The following CRYZL1 variants were observed in gnomAD, a reference collection of about 807,000 sequenced individuals.
CRYZL1 encodes the protein crystallin zeta like 1.
CRYZL1 carries 34 observed loss-of-function variants against 50.6 expected under a neutral mutation model. The ratio of observed to expected loss-of-function variants is 0.67; its 90% CI spans 0.51 to 0.89. The LOEUF is 0.89. Among genes scored for constraint, CRYZL1 ranks in the 40% least tolerant of loss-of-function variants. The pLI, the probability that CRYZL1 is intolerant of heterozygous loss-of-function variation, is 0.00. For synonymous variants in CRYZL1, 125 were observed against 134.3 expected (o/e 0.93, Z 0.48); for missense variants, 354 against 402.3 (o/e 0.88, Z 1.03).
intron 1 of CRYZL1, among the ~76,000 whole-genome samples, chr21:33,635,499 C>T (rs1434160210): frequency 1.3e-5 from 2 of 151,356 alleles, no homozygotes; most frequent in African/African-American, 2.4e-5. Flanking sequence ...TACAGGCGCC[C>T]ACCACCACAC....
At chr21:33,598,065 T>A (rs908224849) in intron 9 of CRYZL1, among the ~76,000 whole-genome samples, 2 of 152,264 alleles carry the variant, frequency 1.3e-5, no homozygotes, top group African/African-American at 4.8e-5. Flanking sequence ...ATCTACTTAT[T>A]ATAGAAATAA....
intron 3 of CRYZL1, among the ~76,000 whole-genome samples, chr21:33,622,401 T>G (rs2087013217): frequency 6.6e-6 from 1 of 152,176 alleles, no homozygotes; most frequent in South Asian, 2.1e-4. Flanking sequence ...ACACTATCAG[T>G]CATCTTACTC....
chr21:33,599,273 A>G (rs560475066), intron 8 of CRYZL1, 25 bp from the exon 9 acceptor site: 2 of 1,613,872 alleles, frequency 1.2e-6, no homozygotes, highest in South Asian at 1.1e-5. Flanking sequence ...AAATCAGGCA[A>G]TTGTACTGTT....
At chr21:33,595,864 C>A (rs750291659) in intron 10 of CRYZL1, 28 bp from the exon 11 acceptor site, 37 of 1,465,522 alleles carry the variant, frequency 2.5e-5, no homozygotes, top group Non-Finnish European at 3.5e-5. Flanking sequence ...AAAGACTAAT[C>A]AATTATTGTG....
intron 1 of CRYZL1, among the ~76,000 whole-genome samples, chr21:33,639,511 G>A (rs1052852051): frequency 6.6e-6 from 1 of 152,162 alleles, no homozygotes; most frequent in African/African-American, 2.4e-5. Context: ...GGCCTCTGGT[G>A]ATGAGAATAA....
At chr21:33,615,152 CTCTT>C (rs749620422) in intron 5 of CRYZL1, among the ~76,000 whole-genome samples, 1,216 of 120,838 alleles carry the variant, frequency 0.01, 4 homozygotes, top group African/African-American at 0.015. Flanking sequence ...TTTTCTTTCT[CTCTT>C]TTTTTTTTTT....
chr21:33,594,786 G>C (rs1201170095), intron 11 of CRYZL1: 1 of 151,212 alleles, frequency 6.6e-6, no homozygotes, highest in Non-Finnish European at 1.5e-5. Flanking sequence ...GGGATTACAG[G>C]CATGTGCCAC....
At chr21:33,623,215 C>A (rs1043299386) in intron 3 of CRYZL1, among the ~76,000 whole-genome samples, 1 of 152,080 alleles carries the variant, frequency 6.6e-6, no homozygotes, top group Non-Finnish European at 1.5e-5. Context: ...CTGCCTGCCT[C>A]GGCCTCCCAA....
rs374604682 is a variant in CRYZL1, at chr21:33,591,189, A to G, written c.923T>C (p.Met308Thr). 7.6e-5 allele frequency: 123 copies of G among 1,610,222 alleles called. No homozygotes were observed. Among genetic ancestry groups the G allele is most frequent in the Non-Finnish European group, 9.9e-5 (117 of 1,176,566 alleles). ...GAAAACACCAGTTGATAACTTCTCCATCACATCCTTTAAGATACGTAGCTG... is the reference window on the plus strand; with the variant it reads ...GAAAACACCAGTTGATAACTTCTCCGTCACATCCTTTAAGATACGTAGCTG... ...GKYLCILKDV[M>T]EKLSTGVFRP... The change falls in exon 12 of 13, where the codon ATG (methionine) becomes ACG (threonine). Residue 308 changes from methionine (M) to threonine (T), a missense_variant. Transcript: ENST00000381554.
chr21:33,618,582 T>C (rs1161611473), intron 4 of CRYZL1, among the ~76,000 whole-genome samples: 1 of 152,192 alleles, frequency 6.6e-6, no homozygotes, highest in Non-Finnish European at 1.5e-5. Flanking sequence ...AATCTGGAAA[T>C]GGCCCCTTTG....
chr21:33,594,716 C>A (rs577061421), intron 11 of CRYZL1: 2 of 141,218 alleles, frequency 1.4e-5, no homozygotes, highest in Non-Finnish European at 1.5e-5. Flanking sequence ...AATCTTGGCT[C>A]ACTGAAACCT....
Position 33,609,476 on chromosome 21 carries a change from A to T in CRYZL1, c.331+4062T>A, listed in dbSNP as rs1462791812. Among the ~76,000 whole-genome samples the T allele has an allele frequency of 5.3e-5, 8 of 151,386 alleles. No individual in the cohort carries two copies. In the South Asian group the frequency reaches 6.3e-4, roughly 12 times the overall value. ...CACCATATCTAGTTATTATTTATTT[A>T]TTTTTTTTATTTCTTGTAGAGATGG... On this transcript the variant is annotated intron_variant, in intron 6 of 12. Coordinates refer to ENST00000381554, the MANE Select transcript of CRYZL1 (RefSeq NM_145858.3).
chr21:33,602,442 G>C, intron 7 of CRYZL1, 97 bp from the exon 8 acceptor site: 1 of 490,932 alleles, frequency 2.0e-6, no homozygotes, highest in Non-Finnish European at 3.6e-6. Context: ...TAATTCTTTA[G>C]TGTTACTTTA....
chr21:33,616,968 G>T, intron 4 of CRYZL1: 1 of 329,040 alleles, frequency 3.0e-6, no homozygotes, highest in Non-Finnish European at 5.5e-6. Context: ...TGGGCCATGC[G>T]ATTATTGTGA....
chr21:33,629,306 G>A (rs2087109796), intron 2 of CRYZL1, among the ~76,000 whole-genome samples: 2 of 152,300 alleles, frequency 1.3e-5, no homozygotes, highest in African/African-American at 4.8e-5. Context: ...CTGTTGCCCA[G>A]GCTGTAGTGC....
intron 6 of CRYZL1, among the ~76,000 whole-genome samples, chr21:33,608,840 C>A (rs984000925): frequency 1.3e-5 from 2 of 152,206 alleles, no homozygotes; most frequent in Non-Finnish European, 2.9e-5. Flanking sequence ...TGCAAGACAT[C>A]TGATTTCAAA....
At chr21:33,617,797 T>C (rs770400294) in intron 4 of CRYZL1, among the ~76,000 whole-genome samples, 6 of 152,312 alleles carry the variant, frequency 3.9e-5, no homozygotes, top group South Asian at 2.1e-4. Context: ...GGTCGATCTT[T>C]AACCAGGCCC....
At chr21:33,611,565 A>C (rs1028164827) in intron 6 of CRYZL1, among the ~76,000 whole-genome samples, 3 of 152,238 alleles carry the variant, frequency 2.0e-5, no homozygotes, top group African/African-American at 7.2e-5. Flanking sequence ...ACCCAAATCC[A>C]AATTAGCCTC....
At chr21:33,606,033 T>C (rs1375986771) in intron 6 of CRYZL1, among the ~76,000 whole-genome samples, 1 of 152,128 alleles carries the variant, frequency 6.6e-6, no homozygotes, top group African/African-American at 2.4e-5. Flanking sequence ...GAGCTGAGAA[T>C]TAAAACAGTA....
Sources: allele counts gnomAD v4.1 joint callset (sites outside exome capture counted in the v4.1 genomes callset), GRCh38; gene constraint gnomAD v4.1.1; transcripts MANE v1.5; gene names NCBI Gene and HGNC (gene_info 2026-07-23, HGNC 2026-07-21).